The following SETD2 variants were observed in gnomAD, a reference collection of about 807,000 sequenced individuals.
The protein encoded by SETD2 is SET domain containing 2, histone lysine methyltransferase, also known as histone-lysine N-methyltransferase SETD2.
In SETD2, 31 loss-of-function variants were observed where a neutral mutation model predicts 242.1. The observed-to-expected ratio is 0.13, with a 90% CI of 0.10 to 0.17. SETD2 has a LOEUF of 0.17. SETD2 is among the 10% of genes least tolerant of loss of function. The pLI is 1.00. For synonymous variants in SETD2, 1,006 were observed against 1,066.5 expected, an observed-to-expected ratio of 0.94 and a Z score of 1.11; for missense variants, 2,481 against 3,046.3, an observed-to-expected ratio of 0.81 and a Z score of 4.37.
chr3:47,065,968 T>G (rs1032527955), intron 13 of SETD2, among the ~76,000 whole-genome samples: 4 of 152,122 alleles, frequency 2.6e-5, no homozygotes, highest in Non-Finnish European at 5.9e-5. Flanking sequence ...CTCAGAAAAG[T>G]AAATACAGTC....
intron 6 of SETD2, chr3:47,105,716 A>G (rs2042385425): frequency 2.3e-6 from 1 of 432,862 alleles, no homozygotes; most frequent in Non-Finnish European, 4.5e-6. Flanking sequence ...CAGCCTGGCC[A>G]ACGTGGTGAA....
intron 1 of SETD2, among the ~76,000 whole-genome samples, chr3:47,131,809 A>C (rs1344194631): frequency 2.1e-5 from 3 of 139,540 alleles, no homozygotes; most frequent in Non-Finnish European, 4.7e-5. Context: ...ACAGAGTCTC[A>C]CTCTGTCACC....
intron 16 of SETD2, among the ~76,000 whole-genome samples, chr3:47,044,802 CAT>C (rs1180824605): frequency 6.6e-6 from 1 of 152,150 alleles, no homozygotes. Context: ...ATGCCTAGTC[CAT>C]GGTGACTAGT....
intron 9 of SETD2, among the ~76,000 whole-genome samples, chr3:47,095,371 T>A (rs1420575076): frequency 1.3e-5 from 2 of 152,126 alleles, no homozygotes; most frequent in African/African-American, 4.8e-5. Context: ...CCTAACCTCG[T>A]GATCTGCCTG....
chr3:47,088,291 C>T (rs563758965), intron 9 of SETD2, 44 bp from the exon 10 acceptor site: 2 of 1,160,966 alleles, frequency 1.7e-6, no homozygotes, highest in Non-Finnish European at 2.3e-6. Context: ...ACAACAACAA[C>T]AAAAAAAAAA....
At chr3:47,158,810 C>G (rs922223423) in intron 1 of SETD2, among the ~76,000 whole-genome samples, 7 of 152,200 alleles carry the variant, frequency 4.6e-5, no homozygotes, top group Admixed American at 4.6e-4. Flanking sequence ...TATCTGATTT[C>G]TACACAAATC....
intron 14 of SETD2, among the ~76,000 whole-genome samples, chr3:47,058,355 C>T (rs992146004): frequency 1.4e-5 from 2 of 143,512 alleles, no homozygotes; most frequent in African/African-American, 5.1e-5. Flanking sequence ...GCAGGAGAAT[C>T]GCTTGAACCC....
intron 14 of SETD2, among the ~76,000 whole-genome samples, chr3:47,059,046 T>C (rs2040213697): frequency 2.0e-5 from 3 of 151,172 alleles, no homozygotes; most frequent in South Asian, 4.2e-4. Context: ...CCTGACCTCG[T>C]GATCCGCCTG....
At chr3:47,117,261 C>CAAAAAAAAAAAA (rs5848820) in intron 3 of SETD2, among the ~76,000 whole-genome samples, 13 of 66,486 alleles carry the variant, frequency 2.0e-4, no homozygotes, top group Non-Finnish European at 2.7e-4. Flanking sequence ...CCTGCATTAC[C>CAAAAAAAAAAAA]AAAAAAAAAA....
rs1296528720 is a variant in SETD2 at position 47,057,214 on chromosome 3, G to C, written c.6570C>G (p.Pro2190=). The change falls in exon 15 of 21, where the codon CCC becomes CCG. Residue 2190 remains proline (P), a synonymous_variant. Transcript: ENST00000409792. ...AACACACTGGGTCCATGCTGGGTGT[G>C]GGCAGGAGCACCTTTCCAGCATTAG... is the stretch of plus-strand genomic sequence containing the variant. ...SNPNAGKVLL[P]TPSMDPVCSP... is the part of the protein sequence containing the mutation. 6.2e-7 allele frequency: 1 copy of C among 1,614,240 alleles called. No individual in the cohort carries two copies. Among genetic ancestry groups the C allele is most frequent in the Non-Finnish European group, 8.5e-7 (1 of 1,180,048 alleles).
chr3:47,049,565 G>A (rs1252457743), intron 15 of SETD2, among the ~76,000 whole-genome samples: 2 of 146,028 alleles, frequency 1.4e-5, no homozygotes, highest in Admixed American at 1.4e-4. Flanking sequence ...GTAGAGATGG[G>A]GTTTCACCTT....
At chr3:47,107,966 C>G (rs2042502850) in intron 5 of SETD2, among the ~76,000 whole-genome samples, 1 of 151,746 alleles carries the variant, frequency 6.6e-6, no homozygotes, top group African/African-American at 2.4e-5. Context: ...GGTGACAGAG[C>G]AAGACCCCAT....
At chr3:47,043,658 C>T (rs1231280575) in intron 16 of SETD2, among the ~76,000 whole-genome samples, 1 of 152,140 alleles carries the variant, frequency 6.6e-6, no homozygotes, top group Admixed American at 6.5e-5. Flanking sequence ...ACCTGAAGAC[C>T]CCAGGCTCAG....
At position 47,045,785 on chromosome 3, in the gene SETD2, T is replaced by C. The variant is rs1325947631; in HGVS notation, c.7098+702A>G. On this transcript the variant is annotated intron_variant, in intron 16 of 20. Coordinates refer to ENST00000409792, the MANE Select transcript of SETD2 (RefSeq NM_014159.7). ...TAAAAAGGATCCTAGGAGCATTTTT[T>C]TTTTTTTTGAGATGGAGTCTTGCTC... 3.3e-5 allele frequency among the ~76,000 whole-genome samples: 5 copies of C among 150,022 alleles called. 1 individual carries two copies. Among genetic ancestry groups the C allele is most frequent in the African/African-American group, 1.2e-4 (5 of 40,940 alleles).
intron 1 of SETD2, among the ~76,000 whole-genome samples, chr3:47,162,731 C>A (rs1046408030): frequency 6.6e-6 from 1 of 152,154 alleles, no homozygotes; most frequent in African/African-American, 2.4e-5. Context: ...TCATGTGAAA[C>A]CCCTATCAAC....
chr3:47,163,735 G>C, intron 1 of SETD2, 119 bp downstream of exon 1: 1 of 991,148 alleles, frequency 1.0e-6, no homozygotes. Flanking sequence ...GACCGCGCGA[G>C]GCCACCGTGG....
In SETD2 at chr3:47,017,884, G is replaced by A. The variant is rs867286502; in HGVS notation, c.7432-145C>T. 19 of 667,128 alleles carry A rather than the reference G, an allele frequency of 2.8e-5. No homozygotes were observed. The Middle Eastern group carries it at 1.2e-3, about 41-fold the overall frequency. The allele number at this position is 667,128 out of a possible 1,614,324, so 41.3% of individuals were successfully genotyped here. On this transcript the variant is annotated intron_variant, in intron 19 of 20. Transcript: ENST00000409792. This position sits in a 1 kb window ranked among gnomAD's most constrained non-coding sequence, Gnocchi z 4.8. Reference sequence around the variant, plus strand: ...CTCAGGTTAACTGGTTTGGACAGTGGAATACTAGTAAGCCAGTAAGATCTG... The same window carrying A: ...CTCAGGTTAACTGGTTTGGACAGTGAAATACTAGTAAGCCAGTAAGATCTG...
chr3:47,161,020 G>C (rs1697475185), intron 1 of SETD2, among the ~76,000 whole-genome samples: 1 of 152,160 alleles, frequency 6.6e-6, no homozygotes, highest in African/African-American at 2.4e-5. Flanking sequence ...TGTTACTTCA[G>C]TCAAACTGAA....
chr3:47,024,803 G>T (rs2038398931), intron 18 of SETD2, among the ~76,000 whole-genome samples: 1 of 152,170 alleles, frequency 6.6e-6, no homozygotes, highest in Non-Finnish European at 1.5e-5. Context: ...TAAATAAACT[G>T]CTGCCTCAAT....
Sources: allele counts gnomAD v4.1 joint callset (sites outside exome capture counted in the v4.1 genomes callset), GRCh38; gene constraint gnomAD v4.1.1; non-coding constraint Gnocchi (gnomAD v3.1); transcripts MANE v1.5; gene names NCBI Gene and HGNC (gene_info 2026-07-23, HGNC 2026-07-21).